The following AHI1 variants were observed in gnomAD, a reference collection of about 807,000 sequenced individuals.
AHI1 encodes jouberin.
A neutral mutation model predicts 149.3 loss-of-function variants in AHI1; 123 were observed. The observed-to-expected ratio is 0.82, with a 90% CI of 0.71 to 0.96. The LOEUF is 0.96. Among genes scored for constraint, AHI1 ranks in the 40% least tolerant of loss-of-function variants. AHI1 has a pLI of 0.00. For synonymous variants in AHI1, 475 were observed against 459.8 expected, an observed-to-expected ratio of 1.03 and a Z score of -0.42; for missense variants, 1,439 against 1,422.7, an observed-to-expected ratio of 1.01 and a Z score of -0.18.
At chr6:135,331,177 C>T (rs1788538546) in intron 24 of AHI1, among the ~76,000 whole-genome samples, 1 of 152,172 alleles carries the variant, frequency 6.6e-6, no homozygotes, top group Non-Finnish European at 1.5e-5. Flanking sequence ...AAATCTTGAG[C>T]TGACAGAGTA....
chr6:135,332,417 T>C (rs1289190526), intron 24 of AHI1, among the ~76,000 whole-genome samples: 2 of 152,214 alleles, frequency 1.3e-5, no homozygotes, highest in Non-Finnish European at 2.9e-5. Context: ...ACTCTAGGGA[T>C]AAATTAACCC....
At chr6:135,397,003 T>G (rs1375771233) in intron 22 of AHI1, among the ~76,000 whole-genome samples, 1 of 151,892 alleles carries the variant, frequency 6.6e-6, no homozygotes, top group Non-Finnish European at 1.5e-5. Flanking sequence ...CAACAAAATT[T>G]TTTTTTAAAA....
chr6:135,301,225 AT>A (rs567320765), intron 26 of AHI1: 19 of 983,922 alleles, frequency 1.9e-5, no homozygotes, highest in Admixed American at 1.8e-4. Context: ...ACGAATTGCA[AT>A]TTTTTTTAGA....
intron 26 of AHI1, among the ~76,000 whole-genome samples, chr6:135,313,189 A>C (rs1464014467): frequency 6.6e-6 from 1 of 152,192 alleles, no homozygotes; most frequent in Non-Finnish European, 1.5e-5. Context: ...TCTTTTCCAT[A>C]AACATAGATC....
intron 2 of AHI1, among the ~76,000 whole-genome samples, chr6:135,496,594 T>C (rs921492261): frequency 1.3e-5 from 2 of 152,210 alleles, no homozygotes; most frequent in Non-Finnish European, 2.9e-5. Context: ...CTAAGAGATA[T>C]TACACAGGAA....
chr6:135,380,013 C>T (rs1324506716), intron 23 of AHI1, among the ~76,000 whole-genome samples: 2 of 125,846 alleles, frequency 1.6e-5, no homozygotes, highest in Non-Finnish European at 3.3e-5. Context: ...CTCTTCCTCC[C>T]TCCTTCCTTC....
Position 135,305,974 on chromosome 6 carries a change from C to CTAGGATAGTGAAGGGA in AHI1, c.3427-5417_3427-5416insTCCCTTCACTATCCTA, listed in dbSNP as rs528119059. On this transcript the variant is annotated intron_variant, in intron 26 of 28. Coordinates refer to ENST00000265602, the MANE Select transcript of AHI1 (RefSeq NM_001134831.2). ...TAAAACCTAATTCATCCACTTCTCA[C>CTAGGATAGTGAAGGGA]CACATGGTCTCATAGTTTCCCTTCA... Among the ~76,000 whole-genome samples the CTAGGATAGTGAAGGGA allele has an allele frequency of 1.2e-4, 19 of 152,314 alleles. No individual in the cohort carries two copies. The East Asian group carries it at 3.5e-3, about 28-fold the overall frequency.
rs1293065312 is a variant in AHI1 at position 135,364,867 on chromosome 6, CAGAGGGAGACCGTGGAAAGAGAGGG to C, written c.3110-6705_3110-6681del. 1.0e-3 allele frequency among the ~76,000 whole-genome samples: 159 copies of C among 152,144 alleles called. 1 individual carries two copies. Among genetic ancestry groups the C allele is most frequent in the African/African-American group, 3.5e-3 (147 of 41,524 alleles). On this transcript the variant is annotated intron_variant, in intron 23 of 28. Transcript: ENST00000265602. ...GTACCGTCCAGCTTCGGCTTGGCAT[CAGAGGGAGACCGTGGAAAGAGAGGG>C]AGAGGGAGACCGTGGGGAGAGGAAG...
chr6:135,408,932 C>T (rs1007982654), intron 21 of AHI1, among the ~76,000 whole-genome samples: 4 of 152,208 alleles, frequency 2.6e-5, no homozygotes, highest in Non-Finnish European at 5.9e-5. Context: ...TGCTACACTA[C>T]CTTTAACAAA....
chr6:135,439,517 T>C (rs1477907887), intron 14 of AHI1, among the ~76,000 whole-genome samples: 1 of 152,158 alleles, frequency 6.6e-6, no homozygotes, highest in Non-Finnish European at 1.5e-5. Flanking sequence ...AGGGAAATGA[T>C]AAAGTACTTC....
intron 23 of AHI1, among the ~76,000 whole-genome samples, chr6:135,376,259 G>A (rs1775900920): frequency 6.6e-6 from 1 of 152,108 alleles, no homozygotes; most frequent in Non-Finnish European, 1.5e-5. Context: ...GGGTTACTAA[G>A]CCCACTAAGT....
chr6:135,477,771 T>C (rs1272484745), intron 5 of AHI1, among the ~76,000 whole-genome samples: 3 of 152,122 alleles, frequency 2.0e-5, no homozygotes, highest in African/African-American at 7.2e-5. Context: ...ATGCCTCCTG[T>C]ATAGCCTGTT....
intron 27 of AHI1, among the ~76,000 whole-genome samples, chr6:135,295,464 T>C (rs1782964317): frequency 6.6e-6 from 1 of 152,012 alleles, no homozygotes. Flanking sequence ...TGATATGATG[T>C]TAAACAAACA....
At chr6:135,393,310 T>C (rs932224724) in intron 23 of AHI1, among the ~76,000 whole-genome samples, 1 of 152,202 alleles carries the variant, frequency 6.6e-6, no homozygotes, top group Non-Finnish European at 1.5e-5. Flanking sequence ...CTATATCTTG[T>C]TGGCAGACAG....
Position 135,411,405 on chromosome 6 carries a change from G to A in AHI1, c.2904C>T (p.His968=). Residue 968 remains histidine (H), a synonymous_variant, in exon 21 of 29, where the codon CAC becomes CAT. Transcript: ENST00000265602. ...GCATCTTCGTTGAAGAACTTTCAGTGTGGACAAATTCATCAATCTGAAAAG... is the reference window on the plus strand; with the variant it reads ...GCATCTTCGTTGAAGAACTTTCAGTATGGACAAATTCATCAATCTGAAAAG... ...QGSFQIDEFV[H]TESSSTKMQL... 1.2e-6 allele frequency: 2 copies of A among 1,613,842 alleles called. No individual in the cohort carries two copies. The highest frequency in any genetic ancestry group is 1.7e-6 in the Non-Finnish European group (2 of 1,179,774).
chr6:135,331,030 A>G (rs1262833444), intron 24 of AHI1, among the ~76,000 whole-genome samples: 1 of 152,134 alleles, frequency 6.6e-6, no homozygotes, highest in African/African-American at 2.4e-5. Flanking sequence ...GTAACAGTCT[A>G]TTTTCTCCTT....
At chr6:135,417,740 C>T (rs1237846832) in intron 20 of AHI1, among the ~76,000 whole-genome samples, 1 of 151,804 alleles carries the variant, frequency 6.6e-6, no homozygotes, top group East Asian at 1.9e-4. Context: ...ACCTTTAGTT[C>T]TGTGAAGGCA....
At chr6:135,381,273 A>G (rs77635433) in intron 23 of AHI1, among the ~76,000 whole-genome samples, 5,431 of 152,264 alleles carry the variant, frequency 0.036, 305 homozygotes, top group African/African-American at 0.12. Flanking sequence ...TTCATGCCCT[A>G]TATTTCTCAG....
intron 28 of AHI1, among the ~76,000 whole-genome samples, chr6:135,288,791 T>C (rs562429120): frequency 6.6e-6 from 1 of 151,978 alleles, no homozygotes; most frequent in African/African-American, 2.4e-5. Context: ...AAGAGATTCC[T>C]TGAAGTTGAA....
Sources: gnomAD v4.1 joint callset for allele counts (sites outside exome capture counted in the v4.1 genomes callset) on GRCh38, gnomAD v4.1.1 for gene constraint, MANE v1.5 for transcripts, NCBI Gene and HGNC (gene_info 2026-07-23, HGNC 2026-07-21) for gene names.